HERC1: variants seen among roughly 807,000 people sequenced by gnomAD.
HERC1 encodes HECT and RLD domain containing E3 ubiquitin protein ligase family member 1.
HERC1 carries 160 observed loss-of-function variants against 554.3 expected under a neutral mutation model. That is an observed-to-expected ratio of 0.29 (90% CI 0.25 to 0.33). The LOEUF is 0.33. Ranked by LOEUF, HERC1 falls within the 10% of genes least tolerant of loss-of-function variation. The probability of loss-of-function intolerance (pLI) is 1.00; values close to 1 mark genes in which losing one functional copy is unlikely to be tolerated. For synonymous variants in HERC1, 2,175 were observed against 2,131.7 expected, an observed-to-expected ratio of 1.02 and a Z score of -0.56; for missense variants, 4,919 against 5,918.5, an observed-to-expected ratio of 0.83 and a Z score of 5.54.
intron 56 of HERC1, 27 bp from the exon 57 acceptor site, chr15:63,645,124 A>G: frequency 4.7e-6 from 7 of 1,499,148 alleles, no homozygotes; most frequent in Non-Finnish European, 6.5e-6. Flanking sequence ...ACATAAAACC[A>G]AAACATGTCA....
At chr15:63,643,781 C>T (rs1341390338) in intron 57 of HERC1, among the ~76,000 whole-genome samples, 1 of 152,116 alleles carries the variant, frequency 6.6e-6, no homozygotes, top group Non-Finnish European at 1.5e-5. Flanking sequence ...AACTAGTTTT[C>T]TACTCTTCAA....
At chr15:63,796,350 A>G (rs1236700868) in intron 1 of HERC1, among the ~76,000 whole-genome samples, 1 of 152,214 alleles carries the variant, frequency 6.6e-6, no homozygotes, top group African/African-American at 2.4e-5. Context: ...AAATGTGACT[A>G]AATTCAGTAG....
intron 2 of HERC1, 32 bp downstream of exon 2, chr15:63,774,661 AT>A: frequency 6.7e-7 from 1 of 1,489,386 alleles, no homozygotes; most frequent in East Asian, 2.3e-5. Context: ...AAAAACTATT[AT>A]GAACTTTAAA....
intron 4 of HERC1, among the ~76,000 whole-genome samples, chr15:63,757,262 C>T (rs1472747792): frequency 3.7e-4 from 40 of 107,876 alleles, no homozygotes; most frequent in Middle Eastern, 6.8e-3. Flanking sequence ...TTTTTATTTA[C>T]TTTTTTTTTT....
At chr15:63,610,033 C>T (rs1045173089) in intron 77 of HERC1, among the ~76,000 whole-genome samples, 13 of 151,988 alleles carry the variant, frequency 8.6e-5, no homozygotes, top group Admixed American at 1.3e-4. Context: ...GGATTATATA[C>T]GTTCCCTATC....
At chr15:63,737,697 T>C (rs2074609119) in intron 12 of HERC1, among the ~76,000 whole-genome samples, 1 of 151,354 alleles carries the variant, frequency 6.6e-6, no homozygotes, top group South Asian at 2.1e-4. Flanking sequence ...TTTTTTAATA[T>C]TGAAGGTTAT....
At chr15:63,748,861 T>C (rs905250847) in intron 10 of HERC1, among the ~76,000 whole-genome samples, 2 of 151,980 alleles carry the variant, frequency 1.3e-5, no homozygotes, top group Non-Finnish European at 2.9e-5. Context: ...CTGAAACTCA[T>C]CTACCTGATG....
At chr15:63,637,763 G>A in intron 63 of HERC1, 120 bp from the exon 64 acceptor site, 9 of 706,986 alleles carry the variant, frequency 1.3e-5, no homozygotes, top group Non-Finnish European at 2.0e-5. Flanking sequence ...TCCTTTTACT[G>A]AAAGGGAAGA....
rs1567113563 is a variant in HERC1, at chr15:63,775,120, T to C, written c.504A>G (p.Leu168=). 3 of 1,613,976 alleles carry C rather than the reference T, an allele frequency of 1.9e-6. No homozygotes were observed. The highest frequency in any genetic ancestry group is 2.5e-6 in the Non-Finnish European group (3 of 1,179,882). ...AACTTTGTCTTAGAAGCGCAAATAA[T>C]AAACTTAGACCAGTTCGAACACCCA... ...IEMGVRTGLS[L]LFALLRQSWM... is the part of the protein sequence containing the mutation. The change falls in exon 2 of 78, where the codon TTA becomes TTG. Residue 168 remains leucine, a synonymous_variant. Coordinates refer to ENST00000443617, the MANE Select transcript of HERC1 (RefSeq NM_003922.4). The surrounding 1 kb of genome is among the most constrained non-coding windows in gnomAD (Gnocchi z 4.0).
intron 1 of HERC1, among the ~76,000 whole-genome samples, chr15:63,786,598 G>A (rs915858828): frequency 1.3e-5 from 2 of 152,200 alleles, no homozygotes; most frequent in African/African-American, 4.8e-5. Context: ...ACTGATACAT[G>A]CTATAATTTG....
intron 1 of HERC1, among the ~76,000 whole-genome samples, chr15:63,800,872 G>A (rs1338574055): frequency 1.4e-5 from 2 of 144,970 alleles, no homozygotes; most frequent in Non-Finnish European, 3.0e-5. Flanking sequence ...ATGAAGGCTG[G>A]TTGCCAGAGA....
Position 63,634,849 on chromosome 15 carries a change from C to G in HERC1, c.12454G>C (p.Asp4152His). 6.2e-7 allele frequency: 1 copy of G among 1,613,672 alleles called. No individual in the cohort carries two copies. The highest frequency in any genetic ancestry group is 8.5e-7 in the Non-Finnish European group (1 of 1,179,746). The change falls in exon 66 of 78, where the codon GAT becomes CAT. Residue 4152 changes from aspartate (D) to histidine (H), a missense_variant. By Grantham distance (81) the Asp-to-His change is moderately conservative (BLOSUM62 -1). Coordinates refer to ENST00000443617, the MANE Select transcript of HERC1 (RefSeq NM_003922.4). ...GFKHSAVVTS[D>H]GKLFTFGNGD... ...TTCCCAAAGGTGAACAGTTTGCCAT[C>G]TGAAGTGACCACTGCTGAGTGCTTG... is the stretch of plus-strand genomic sequence containing the variant.
At chr15:63,656,947 A>G (rs181341411) in intron 48 of HERC1, among the ~76,000 whole-genome samples, 6 of 152,298 alleles carry the variant, frequency 3.9e-5, no homozygotes, top group East Asian at 1.9e-4. Flanking sequence ...ACAGATGACA[A>G]TCAGGCGGTT....
At chr15:63,808,715 A>T (rs1416358757) in intron 1 of HERC1, among the ~76,000 whole-genome samples, 1 of 152,262 alleles carries the variant, frequency 6.6e-6, no homozygotes, top group Non-Finnish European at 1.5e-5. Flanking sequence ...CAGAAATGTC[A>T]GCACACACAA....
intron 25 of HERC1, among the ~76,000 whole-genome samples, chr15:63,705,137 T>C (rs898821181): frequency 5.3e-5 from 8 of 152,118 alleles, no homozygotes; most frequent in African/African-American, 1.9e-4. Flanking sequence ...TTCCTAATAT[T>C]TCAGAGAAAT....
chr15:63,784,102 C>A (rs2076368033), intron 1 of HERC1, among the ~76,000 whole-genome samples: 1 of 151,438 alleles, frequency 6.6e-6, no homozygotes, highest in Admixed American at 6.6e-5. Context: ...TGCTCATACT[C>A]ATAAAAATGA....
intron 61 of HERC1, among the ~76,000 whole-genome samples, chr15:63,639,927 G>A (rs1019650256): frequency 6.6e-6 from 1 of 152,192 alleles, no homozygotes; most frequent in Non-Finnish European, 1.5e-5. Flanking sequence ...TTGAGAGGTG[G>A]CAGGTTTACA....
chr15:63,649,172 G>T (rs1212569268), intron 54 of HERC1, among the ~76,000 whole-genome samples: 3 of 152,186 alleles, frequency 2.0e-5, no homozygotes, highest in African/African-American at 7.2e-5. Context: ...GGCCAACATG[G>T]TGAAACCCTG....
At chr15:63,810,882 G>A (rs2077284305) in intron 1 of HERC1, among the ~76,000 whole-genome samples, 1 of 152,168 alleles carries the variant, frequency 6.6e-6, no homozygotes, top group Admixed American at 6.5e-5. Flanking sequence ...GATTTAAGGA[G>A]TACATAACAT....
Sources: allele counts gnomAD v4.1 joint callset (sites outside exome capture counted in the v4.1 genomes callset), GRCh38; gene constraint gnomAD v4.1.1; non-coding constraint Gnocchi (gnomAD v3.1); transcripts MANE v1.5; gene names NCBI Gene and HGNC (gene_info 2026-07-23, HGNC 2026-07-21).